The following LIN9 variants were observed in gnomAD, a reference collection of about 807,000 sequenced individuals.
LIN9 encodes the protein lin-9 DREAM MuvB core complex component, also known as protein lin-9 homolog.
In LIN9, 18 loss-of-function variants were observed where a neutral mutation model predicts 78.0. The observed-to-expected ratio is 0.23, with a 90% CI of 0.16 to 0.34. LIN9 has a LOEUF of 0.34. Among genes scored for constraint, LIN9 ranks in the 10% least tolerant of loss-of-function variants. The pLI is 1.00. For synonymous variants in LIN9, 192 were observed against 215.2 expected (o/e 0.89, Z 0.94); for missense variants, 451 against 644.1 (o/e 0.70, Z 3.25).
rs1307264616 is a variant in LIN9 at position 226,255,993 on chromosome 1, G to T, written c.1039-5074C>A. Reference sequence around the variant, plus strand: ...ATTTAATGTCAAATACCAAAGCAAAGATCTAAGAATCTCAGAGAATACCAA... The same window carrying T: ...ATTTAATGTCAAATACCAAAGCAAATATCTAAGAATCTCAGAGAATACCAA... On this transcript the variant is annotated intron_variant, in intron 10 of 14. Coordinates refer to ENST00000681046, the MANE Select transcript of LIN9 (RefSeq NM_001366245.2). 2.0e-5 allele frequency among the ~76,000 whole-genome samples: 3 copies of T among 151,884 alleles called. No homozygotes were observed. The East Asian group carries it at 5.8e-4, about 29-fold the overall frequency.
At position 226,286,552 on chromosome 1, in the gene LIN9, C is replaced by T. The variant is rs565598742; in HGVS notation, c.399-94G>A. 9.0e-6 allele frequency: 8 copies of T among 884,076 alleles called. No homozygotes were observed. In the East Asian group the frequency reaches 1.8e-4, roughly 20 times the overall value. The allele number at this position is 884,076 out of a possible 1,614,324, so 54.8% of individuals were successfully genotyped here. A position where few individuals can be genotyped will look rare whatever the true frequency, so the allele number is the denominator to read the frequency against. ...CAAAATGCTAAACTTTCACTTCTAC[C>T]CCATATATATATATAAACTGGCACA... On this transcript the variant is annotated intron_variant, in intron 5 of 14. Coordinates refer to ENST00000681046, the MANE Select transcript of LIN9 (RefSeq NM_001366245.2).
intron 7 of LIN9, among the ~76,000 whole-genome samples, chr1:226,277,402 T>A (rs888632930): frequency 6.6e-6 from 1 of 152,158 alleles, no homozygotes; most frequent in Non-Finnish European, 1.5e-5. Flanking sequence ...GTAACTTCTA[T>A]AGTAAATTGC....
chr1:226,295,070 T>G (rs1256103968), intron 4 of LIN9, among the ~76,000 whole-genome samples: 1 of 152,084 alleles, frequency 6.6e-6, no homozygotes, highest in Non-Finnish European at 1.5e-5. Flanking sequence ...CAAAGTGCTG[T>G]GATTATAGTC....
At chr1:226,236,078 T>C (rs1657685175) in intron 12 of LIN9, among the ~76,000 whole-genome samples, 1 of 152,194 alleles carries the variant, frequency 6.6e-6, no homozygotes, top group Non-Finnish European at 1.5e-5. Flanking sequence ...GTACCATAAA[T>C]AGTCAGTTCC....
At chr1:226,277,049 T>C (rs1394167157) in intron 7 of LIN9, among the ~76,000 whole-genome samples, 11 of 151,258 alleles carry the variant, frequency 7.3e-5, no homozygotes, top group Non-Finnish European at 1.5e-5. Flanking sequence ...TAATTAAAAA[T>C]AAAAAAAATT....
intron 11 of LIN9, among the ~76,000 whole-genome samples, chr1:226,246,741 T>C (rs781251861): frequency 4.9e-5 from 7 of 143,158 alleles, no homozygotes; most frequent in Non-Finnish European, 1.0e-4. Context: ...TGCAGTGAGC[T>C]GAGATTGTGC....
intron 2 of LIN9, 33 bp downstream of exon 2, chr1:226,301,140 C>T (rs772815157): frequency 4.6e-6 from 7 of 1,520,802 alleles, no homozygotes; most frequent in Non-Finnish European, 6.3e-6. Context: ...AGACTTTTAG[C>T]TATGGTATAC....
intron 5 of LIN9, 42 bp downstream of exon 5, chr1:226,287,622 T>A: frequency 7.2e-7 from 1 of 1,391,896 alleles, no homozygotes. Context: ...AACTTAAATT[T>A]CTGATTCAAG....
At chr1:226,282,262 A>G (rs764881694) in intron 6 of LIN9, among the ~76,000 whole-genome samples, 33 of 152,326 alleles carry the variant, frequency 2.2e-4, no homozygotes, top group African/African-American at 6.7e-4. Context: ...GCTGTTGCCA[A>G]TCTTTTACTA....
chr1:226,266,278 G>C lies in LIN9; in HGVS notation c.871C>G (p.Pro291Ala), dbSNP rs1008459607. 1.9e-6 allele frequency: 3 copies of C among 1,601,534 alleles called. No homozygotes were observed. Among genetic ancestry groups the C allele is most frequent in the Admixed American group, 3.4e-5 (2 of 59,438 alleles). The change falls in exon 9 of 15, where the codon CCT becomes GCT. Residue 291 changes from proline (P) to alanine (A), a missense_variant. Coordinates refer to ENST00000681046, the MANE Select transcript of LIN9 (RefSeq NM_001366245.2). ...PIAAFGQKQR[P>A]SRFFMTPPRL... ...GGTGGGGTCATAAAAAATCGAGAAGGCCGCTGTTTTTGTCCAAAGGCAGCA... is the reference window on the plus strand; with the variant it reads ...GGTGGGGTCATAAAAAATCGAGAAGCCCGCTGTTTTTGTCCAAAGGCAGCA...
intron 2 of LIN9, among the ~76,000 whole-genome samples, chr1:226,298,776 C>T (rs1217277687): frequency 6.6e-6 from 1 of 151,986 alleles, no homozygotes; most frequent in South Asian, 2.1e-4. Flanking sequence ...CAGAGAATTG[C>T]TGGAACCTGG....
At chr1:226,233,567 C>A in intron 12 of LIN9, 44 bp from the exon 13 acceptor site, 1 of 1,475,034 alleles carries the variant, frequency 6.8e-7, no homozygotes, top group South Asian at 1.4e-5. Context: ...TTCGAGAAGC[C>A]ATGATTATTT....
intron 6 of LIN9, among the ~76,000 whole-genome samples, chr1:226,283,072 T>C (rs919045550): frequency 2.0e-5 from 3 of 151,976 alleles, no homozygotes; most frequent in African/African-American, 4.8e-5. Context: ...CCTCCCACCT[T>C]GGTCTTGTGA....
In LIN9 at chr1:226,233,366, G is replaced by A. The variant is rs1657473269; in HGVS notation, c.1403C>T (p.Thr468Ile). ...ENLTDLISRL[T>I]AILLQIKCLA... ...TACCTTAATTTGTAACAAAATAGCT[G>A]TAAGCCTGGAAATTAAGTCTGTCAG... Residue 468 changes from threonine to isoleucine, a missense_variant, in exon 13 of 15, where the codon ACA (threonine) becomes ATA (isoleucine). Coordinates refer to ENST00000681046, the MANE Select transcript of LIN9 (RefSeq NM_001366245.2). 1 of 1,611,900 alleles carries A rather than the reference G, an allele frequency of 6.2e-7. No homozygotes were observed. Among genetic ancestry groups the A allele is most frequent in the Non-Finnish European group, 8.5e-7 (1 of 1,179,086 alleles).
chr1:226,252,917 A>C (rs1464298813), intron 10 of LIN9, among the ~76,000 whole-genome samples: 1 of 151,808 alleles, frequency 6.6e-6, no homozygotes, highest in Non-Finnish European at 1.5e-5. Flanking sequence ...CAGTGAGCAA[A>C]GTGGCGCCAC....
intron 4 of LIN9, among the ~76,000 whole-genome samples, chr1:226,289,052 A>G (rs1015085443): frequency 1.3e-5 from 2 of 152,142 alleles, no homozygotes; most frequent in Non-Finnish European, 2.9e-5. Context: ...CCAGGCCAAT[A>G]TAGTGAAACC....
chr1:226,270,968 G>A (rs1249727572), intron 7 of LIN9, among the ~76,000 whole-genome samples: 5 of 149,950 alleles, frequency 3.3e-5, no homozygotes, highest in African/African-American at 7.4e-5. Flanking sequence ...ATAACCTACA[G>A]AAAATCCCAG....
intron 4 of LIN9, among the ~76,000 whole-genome samples, chr1:226,294,578 A>C (rs979245642): frequency 2.2e-4 from 33 of 151,996 alleles, no homozygotes; most frequent in African/African-American, 6.0e-4. Flanking sequence ...TCTCAAAAAA[A>C]AAAAACAAAA....
In LIN9 at chr1:226,287,812, A is replaced by G; in HGVS notation, c.265-15T>C. 6.6e-7 allele frequency: 1 copy of G among 1,522,060 alleles called. No individual in the cohort carries two copies. The highest frequency in any genetic ancestry group is 1.3e-5 in the South Asian group (1 of 79,384). 94.3% of individuals were successfully genotyped at this position (1,522,060 alleles called of 1,614,324 possible). ...GCTGTAAATTTCTATACAATAAAAA[A>G]AAGAGATTAATTTATGGCTCCATTA... On this transcript the variant is annotated splice_polypyrimidine_tract_variant and intron_variant, in intron 4 of 14. Coordinates refer to ENST00000681046, the MANE Select transcript of LIN9 (RefSeq NM_001366245.2).
Sources: allele counts gnomAD v4.1 joint callset (sites outside exome capture counted in the v4.1 genomes callset), GRCh38; gene constraint gnomAD v4.1.1; transcripts MANE v1.5; gene names NCBI Gene and HGNC (gene_info 2026-07-23, HGNC 2026-07-21).